STPG2: variants seen among roughly 807,000 people sequenced by gnomAD.
STPG2 encodes the protein sperm-tail PG-rich repeat-containing protein 2.
In STPG2, 56 loss-of-function variants were observed where a neutral mutation model predicts 54.2. The ratio of observed to expected loss-of-function variants is 1.03; its 90% CI spans 0.83 to 1.29. STPG2 has a LOEUF of 1.29. STPG2 is among the 50% of genes most tolerant of loss of function. STPG2 has a pLI of 0.00. For missense variants in STPG2, 596 were observed against 544.9 expected (o/e 1.09, Z -0.93); for synonymous variants, 200 against 181.8 (o/e 1.10, Z -0.81).
intron 5 of STPG2, among the ~76,000 whole-genome samples, chr4:98,087,556 TTTTC>T (rs1738557585): frequency 2.4e-5 from 3 of 124,282 alleles, no homozygotes; most frequent in Non-Finnish European, 5.3e-5. Context: ...TTCTCTCTTT[TTTTC>T]TTTTTTTTTT....
At chr4:97,936,959 T>A (rs992419758) in intron 8 of STPG2, among the ~76,000 whole-genome samples, 1 of 152,198 alleles carries the variant, frequency 6.6e-6, no homozygotes, top group African/African-American at 2.4e-5. Context: ...CTGGATGATA[T>A]CCTGAACTGT....
chr4:97,851,807 A>ACCACTT (rs1729166882), intron 8 of STPG2, among the ~76,000 whole-genome samples: 1 of 152,108 alleles, frequency 6.6e-6, no homozygotes, highest in Non-Finnish European at 1.5e-5. Context: ...AGTTTTCATG[A>ACCACTT]CCACTTTTGA....
In STPG2 at chr4:98,045,114, A is replaced by G. The variant is rs58645177; in HGVS notation, c.612+60839T>C. On this transcript the variant is annotated intron_variant, in intron 5 of 10. Coordinates refer to ENST00000295268, the MANE Select transcript of STPG2 (RefSeq NM_174952.3). ...ATGACTTTAAAAGGAAAAAAAAAAA[A>G]GGAAAAACAACACCCCATTCCAAGG... Among the ~76,000 whole-genome samples, 918 of 146,408 alleles carry G rather than the reference A, an allele frequency of 6.3e-3. 10 individuals are homozygous for G. The highest frequency in any genetic ancestry group is 0.022 in the African/African-American group (853 of 39,664).
chr4:97,846,775 A>G (rs1159991203), intron 8 of STPG2, among the ~76,000 whole-genome samples: 1 of 152,110 alleles, frequency 6.6e-6, no homozygotes, highest in Non-Finnish European at 1.5e-5. Context: ...GTCTAATAGC[A>G]AGAGGTATAT....
At chr4:98,116,364 T>A (rs1739526476) in intron 3 of STPG2, among the ~76,000 whole-genome samples, 1 of 151,946 alleles carries the variant, frequency 6.6e-6, no homozygotes, top group Admixed American at 6.6e-5. Flanking sequence ...AGAATACTTA[T>A]TCCAATATGT....
At chr4:97,539,381 G>C (rs540526899) in intron 4 of STPG2, among the ~76,000 whole-genome samples, 3 of 152,006 alleles carry the variant, frequency 2.0e-5, no homozygotes, top group Admixed American at 6.6e-5. Context: ...AAAAAAGGCA[G>C]GGGTTGGAAT....
chr4:98,035,291 T>C (rs1001757482), intron 5 of STPG2, among the ~76,000 whole-genome samples: 2 of 151,972 alleles, frequency 1.3e-5, no homozygotes, highest in Admixed American at 1.3e-4. Context: ...GGGCAAAGGA[T>C]ATGAACAGAC....
chr4:98,079,528 T>C (rs1738272789), intron 5 of STPG2, among the ~76,000 whole-genome samples: 1 of 152,214 alleles, frequency 6.6e-6, no homozygotes, highest in African/African-American at 2.4e-5. Flanking sequence ...TCATTTGTCC[T>C]ACCAAGAAAT....
At chr4:97,805,036 T>A (rs1296381590) in intron 9 of STPG2, among the ~76,000 whole-genome samples, 1 of 152,176 alleles carries the variant, frequency 6.6e-6, no homozygotes, top group Non-Finnish European at 1.5e-5. Context: ...TCTCAGAGCA[T>A]ATTTCCATCA....
chr4:97,569,258 C>T (rs1732537321), intron 10 of STPG2, among the ~76,000 whole-genome samples: 4 of 152,128 alleles, frequency 2.6e-5, no homozygotes, highest in Admixed American at 2.6e-4. Flanking sequence ...TGTAAACTGT[C>T]ATGGTGCTCC....
chr4:97,639,447 A>G (rs1390020236), intron 10 of STPG2, among the ~76,000 whole-genome samples: 1 of 152,014 alleles, frequency 6.6e-6, no homozygotes, highest in East Asian at 1.9e-4. Flanking sequence ...ATACGTATGT[A>G]ACTAACCTGC....
chr4:97,623,678 G>A (rs2148926451), intron 10 of STPG2, among the ~76,000 whole-genome samples: 1 of 152,204 alleles, frequency 6.6e-6, no homozygotes, highest in African/African-American at 2.4e-5. Context: ...ATGATGTGCA[G>A]GTTTGTTACA....
chr4:97,854,035 A>C (rs1729252070), intron 8 of STPG2, among the ~76,000 whole-genome samples: 2 of 152,092 alleles, frequency 1.3e-5, no homozygotes, highest in African/African-American at 4.8e-5. Context: ...CATCTTCCCC[A>C]GGCTGGTCTT....
At chr4:97,887,712 G>A (rs1390386593) in intron 8 of STPG2, among the ~76,000 whole-genome samples, 1 of 152,200 alleles carries the variant, frequency 6.6e-6, no homozygotes, top group Admixed American at 6.5e-5. Flanking sequence ...TAAGCAGGCT[G>A]CAGAATTTGC....
rs574879935 is a variant in STPG2, at chr4:97,565,730, G to A, written c.1321-6613C>T. ...CCCTGTTTGCCTGGGTACCAGCAGC[G>A]GTGGCTGCAGAACAGCGGATTTTCG... On this transcript the variant is annotated intron_variant, in intron 10 of 10. Coordinates refer to ENST00000295268, the MANE Select transcript of STPG2 (RefSeq NM_174952.3). 5.6e-3 allele frequency among the ~76,000 whole-genome samples: 855 copies of A among 152,066 alleles called. 3 individuals are homozygous for A. The highest frequency in any genetic ancestry group is 0.02 in the South Asian group (97 of 4,800).
intron 9 of STPG2, among the ~76,000 whole-genome samples, chr4:97,820,206 A>C (rs1351395588): frequency 1.3e-5 from 2 of 152,160 alleles, no homozygotes; most frequent in Admixed American, 1.3e-4. Flanking sequence ...AACCATGCAC[A>C]TATAAAATGG....
intron 8 of STPG2, among the ~76,000 whole-genome samples, chr4:97,842,300 T>A (rs534515937): frequency 6.6e-6 from 1 of 151,942 alleles, no homozygotes; most frequent in South Asian, 2.1e-4. Flanking sequence ...TCTTTTTGTC[T>A]GCATCAAGAG....
chr4:97,538,559 C>T (rs554250269), intron 4 of STPG2, among the ~76,000 whole-genome samples: 39 of 152,164 alleles, frequency 2.6e-4, no homozygotes, highest in African/African-American at 8.4e-4. Context: ...ACCAAATCTA[C>T]GTCTCATTGG....
chr4:98,088,050 A>G, intron 5 of STPG2, among the ~76,000 whole-genome samples: 1 of 152,190 alleles, frequency 6.6e-6, no homozygotes, highest in African/African-American at 2.4e-5. Flanking sequence ...AATGAGCAGG[A>G]ATCAGCCACC....
Sources: gnomAD v4.1 joint callset for allele counts (sites outside exome capture counted in the v4.1 genomes callset) on GRCh38, gnomAD v4.1.1 for gene constraint, MANE v1.5 for transcripts, NCBI Gene and HGNC (gene_info 2026-07-23, HGNC 2026-07-21) for gene names.